The following ADGRL3 variants were observed in gnomAD, a reference collection of about 807,000 sequenced individuals.
ADGRL3 encodes the protein calcium-independent alpha-latrotoxin receptor 3.
ADGRL3 carries 62 observed loss-of-function variants against 153.5 expected under a neutral mutation model. The ratio of observed to expected loss-of-function variants is 0.40; its 90% confidence interval spans 0.33 to 0.50. The LOEUF (loss-of-function observed/expected upper bound fraction) is 0.50, where lower values mean the gene tolerates loss of function less well. Ranked by LOEUF, ADGRL3 falls within the 20% of genes least tolerant of loss-of-function variation. The pLI, the probability that ADGRL3 is intolerant of heterozygous loss-of-function variation, is 0.47. For synonymous variants in ADGRL3, 710 were observed against 672.5 expected, an observed-to-expected ratio of 1.06 and a Z score of -0.86; for missense variants, 1,641 against 1,859.4, an observed-to-expected ratio of 0.88 and a Z score of 2.16.
chr4:61,337,093 C>T (rs911530106), intron 1 of ADGRL3, among the ~76,000 whole-genome samples: 2 of 151,968 alleles, frequency 1.3e-5, no homozygotes, highest in African/African-American at 2.4e-5. Flanking sequence ...GGCAGGTGGC[C>T]ACATTGATTA....
At chr4:61,625,803 T>A (rs1393475028) in intron 5 of ADGRL3, among the ~76,000 whole-genome samples, 1 of 152,074 alleles carries the variant, frequency 6.6e-6, no homozygotes, top group Non-Finnish European at 1.5e-5. Flanking sequence ...GGAATAAAGA[T>A]GAACAGAAGT....
At chr4:62,042,914 A>C (rs923946587) in intron 24 of ADGRL3, among the ~76,000 whole-genome samples, 1 of 151,930 alleles carries the variant, frequency 6.6e-6, no homozygotes, top group African/African-American at 2.4e-5. Flanking sequence ...TCCAAACATA[A>C]CCACTATCTT....
At chr4:61,376,842 T>C (rs2096609156) in intron 1 of ADGRL3, among the ~76,000 whole-genome samples, 1 of 152,178 alleles carries the variant, frequency 6.6e-6, no homozygotes, top group Non-Finnish European at 1.5e-5. Context: ...TTGAAGCATC[T>C]GTGAGTCAAT....
intron 25 of ADGRL3, 79 bp downstream of exon 25, chr4:62,044,628 A>T (rs781257027): frequency 1.1e-6 from 1 of 938,904 alleles, no homozygotes; most frequent in Non-Finnish European, 1.6e-6. Flanking sequence ...TTTATTTGCA[A>T]CTTCTGAACC....
At chr4:61,673,858 G>T (rs976277750) in intron 5 of ADGRL3, among the ~76,000 whole-genome samples, 6 of 151,108 alleles carry the variant, frequency 4.0e-5, no homozygotes, top group African/African-American at 1.4e-4. Context: ...TTTGAAAGGT[G>T]AATGTTATAA....
intron 1 of ADGRL3, among the ~76,000 whole-genome samples, chr4:61,244,453 A>G (rs1486501178): frequency 6.6e-6 from 1 of 152,048 alleles, no homozygotes; most frequent in Non-Finnish European, 1.5e-5. Flanking sequence ...TCTTTCCTCA[A>G]ATAGATTTAT....
chr4:62,033,420 G>A lies in ADGRL3; in HGVS notation c.3591+1810G>A, dbSNP rs114753200. On this transcript the variant is annotated intron_variant, in intron 23 of 26. Transcript: ENST00000683033. ...AATGTATTTAAAGAATAGGAGACAT[G>A]TAAATGGTGAGTGAGAATAGAGCTG... 2.4e-3 allele frequency among the ~76,000 whole-genome samples: 372 copies of A among 151,862 alleles called. 1 individual carries two copies. Among genetic ancestry groups the A allele is most frequent in the African/African-American group, 8.5e-3 (351 of 41,512 alleles).
intron 1 of ADGRL3, among the ~76,000 whole-genome samples, chr4:61,354,576 G>A (rs1281871675): frequency 7.0e-6 from 1 of 143,596 alleles, no homozygotes; most frequent in Non-Finnish European, 1.5e-5. Flanking sequence ...GACTTTGTCT[G>A]TGTGTGTGTG....
At chr4:61,549,677 T>A (rs6844826) in intron 4 of ADGRL3, among the ~76,000 whole-genome samples, 56,950 of 151,750 alleles carry the variant, frequency 0.38, 11,259 homozygotes, top group East Asian at 0.76. Context: ...TCTAAAATAT[T>A]GTTTACCGTA....
chr4:61,462,466 GC>G (rs952211419), intron 2 of ADGRL3, among the ~76,000 whole-genome samples: 26 of 152,090 alleles, frequency 1.7e-4, no homozygotes, highest in African/African-American at 6.0e-4. Flanking sequence ...GGAGACAATA[GC>G]TCCAGAATAG....
chr4:61,562,431 A>T (rs760133979), intron 4 of ADGRL3, among the ~76,000 whole-genome samples: 1 of 152,194 alleles, frequency 6.6e-6, no homozygotes, highest in Non-Finnish European at 1.5e-5. Context: ...ACAGCATGTG[A>T]CCCACAGAAG....
intron 17 of ADGRL3, among the ~76,000 whole-genome samples, chr4:61,948,710 A>G (rs2098935438): frequency 6.6e-6 from 1 of 152,154 alleles, no homozygotes; most frequent in Non-Finnish European, 1.5e-5. Context: ...CGATACCCAG[A>G]GCATGGTAGT....
chr4:61,481,482 G>GAAAC (rs759046339), intron 2 of ADGRL3, among the ~76,000 whole-genome samples: 1 of 151,732 alleles, frequency 6.6e-6, no homozygotes. Flanking sequence ...GAGATTAAAA[G>GAAAC]AAACAAACAA....
chr4:61,617,701 T>C (rs2092155108), intron 5 of ADGRL3, among the ~76,000 whole-genome samples: 1 of 152,246 alleles, frequency 6.6e-6, no homozygotes, highest in Non-Finnish European at 1.5e-5. Context: ...CAATGTTTCT[T>C]GCACAGTAGC....
chr4:61,639,125 T>C (rs1009264085), intron 5 of ADGRL3, among the ~76,000 whole-genome samples: 2 of 152,098 alleles, frequency 1.3e-5, no homozygotes, highest in Non-Finnish European at 2.9e-5. Flanking sequence ...GTATAATAGA[T>C]TTAGAAATGG....
intron 2 of ADGRL3, among the ~76,000 whole-genome samples, chr4:61,453,464 G>C (rs1902536): frequency 1.3e-5 from 2 of 152,132 alleles, no homozygotes; most frequent in African/African-American, 2.4e-5. Context: ...ATTGTGTTCC[G>C]GGCACACCTC....
At chr4:61,598,103 A>G (rs1208874864) in intron 5 of ADGRL3, among the ~76,000 whole-genome samples, 1 of 152,160 alleles carries the variant, frequency 6.6e-6, no homozygotes, top group African/African-American at 2.4e-5. Flanking sequence ...TTCTAAAGCA[A>G]ACATAGAGCC....
At position 62,072,455 on chromosome 4, in the gene ADGRL3, T is replaced by G. The variant is rs1326373904; in HGVS notation, c.*1547T>G. 6.6e-6 allele frequency: 1 copy of G among 152,614 alleles called. No homozygotes were observed. Among genetic ancestry groups the G allele is most frequent in the Non-Finnish European group, 1.5e-5 (1 of 68,036 alleles). 9.5% of individuals were successfully genotyped at this position (152,614 alleles called of 1,614,324 possible). ...TGAGATTTAGAAGATATTGTATTGA[T>G]GTATGTACTATATGATTAATCAGTC... On this transcript the variant is annotated 3_prime_UTR_variant, in exon 27 of 27. Coordinates refer to ENST00000683033, the MANE Select transcript of ADGRL3 (RefSeq NM_001387552.1).
chr4:61,368,870 G>C (rs995815112), intron 1 of ADGRL3, among the ~76,000 whole-genome samples: 1 of 152,152 alleles, frequency 6.6e-6, no homozygotes, highest in African/African-American at 2.4e-5. Flanking sequence ...AGCATGGAAT[G>C]TTCTTCCATT....
Sources: allele counts gnomAD v4.1 joint callset (sites outside exome capture counted in the v4.1 genomes callset), GRCh38; gene constraint gnomAD v4.1.1; transcripts MANE v1.5; gene names NCBI Gene and HGNC (gene_info 2026-07-23, HGNC 2026-07-21).